EPHB3: variants seen among roughly 807,000 people sequenced by gnomAD.
EPHB3 encodes EPH receptor B3.
EPHB3 carries 33 observed loss-of-function variants against 100.2 expected under a neutral mutation model. The ratio of observed to expected loss-of-function variants is 0.33; its 90% CI spans 0.25 to 0.44. The LOEUF (loss-of-function observed/expected upper bound fraction) is 0.44. EPHB3 is among the 20% of genes least tolerant of loss of function. The pLI, the probability that EPHB3 is intolerant of heterozygous loss-of-function variation, is 1.00. For synonymous variants in EPHB3, 526 were observed against 554.7 expected (o/e 0.95, Z 0.73); for missense variants, 1,045 against 1,378.3 (o/e 0.76, Z 3.83).
rs758750221 is a variant in EPHB3 at position 184,579,714 on chromosome 3, G to A, written c.1952G>A (p.Arg651Gln). The A allele has an allele frequency of 1.4e-5, 23 of 1,611,970 alleles. No homozygotes were observed. The South Asian group carries it at 1.6e-4, about 12-fold the overall frequency. ...AGEFGEVCRG[R>Q]LKQPGRREVF... is the part of the protein sequence containing the mutation. ...GAATTTGGGGAAGTGTGCCGTGGTC[G>A]ACTGAAACAGCCTGGCCGCCGAGAG... Residue 651 changes from arginine (R) to glutamine (Q), a missense_variant, in exon 11 of 16, where the codon CGA (arginine) becomes CAA (glutamine). Physicochemically the swap from Arg to Gln is conservative, Grantham distance 43. Coordinates refer to ENST00000330394, the MANE Select transcript of EPHB3 (RefSeq NM_004443.4). This position sits in a 1 kb window ranked among gnomAD's most constrained non-coding sequence, Gnocchi z 5.2.
Position 184,571,436 on chromosome 3 carries a change from A to C in EPHB3, c.183+54A>C. The C allele has an allele frequency of 6.3e-7, 1 of 1,597,978 alleles. No individual in the cohort carries two copies. Among genetic ancestry groups the C allele is most frequent in the Non-Finnish European group, 8.6e-7 (1 of 1,166,984 alleles). ...GTTGTTTGCCATTAGGCCTCCCCCC[A>C]CTTCCAGCCTCCGTGCCCCCTCATC... is the stretch of plus-strand genomic sequence containing the variant. On this transcript the variant is annotated intron_variant, in intron 2 of 15. Coordinates refer to ENST00000330394, the MANE Select transcript of EPHB3 (RefSeq NM_004443.4). This position sits in a 1 kb window ranked among gnomAD's most constrained non-coding sequence, Gnocchi z 5.0.
Position 184,576,909 on chromosome 3 carries a change from T to C in EPHB3, c.1080T>C (p.Ser360=). The change falls in exon 5 of 16, where the codon AGT becomes AGC. Residue 360 remains serine, a synonymous_variant. Transcript: ENST00000330394. Reference sequence around the variant, plus strand: ...AAACCTCACTGATCCTCGAGTGGAGTGAGCCCCGGGACCTGGGTGGCCGGG... The same window carrying C: ...AAACCTCACTGATCCTCGAGTGGAGCGAGCCCCGGGACCTGGGTGGCCGGG... The part of the protein sequence containing the change: ...VNETSLILEW[S]EPRDLGGRDD... 1 of 1,589,520 alleles carries C rather than the reference T, an allele frequency of 6.3e-7. No homozygotes were observed. Among genetic ancestry groups the C allele is most frequent in the South Asian group, 1.1e-5 (1 of 87,606 alleles).
rs1224007284 is a variant in EPHB3 at position 184,569,752 on chromosome 3, C to T, written c.119-1566C>T. On this transcript the variant is annotated intron_variant, in intron 1 of 15. Coordinates refer to ENST00000330394, the MANE Select transcript of EPHB3 (RefSeq NM_004443.4). This position sits in a 1 kb window ranked among gnomAD's most constrained non-coding sequence, Gnocchi z 5.4. ...CACCCACGGGGTCCTCCGCCGTCCT[C>T]GGCTCAGACCCAGCCTCCGGGAAAC... is the stretch of plus-strand genomic sequence containing the variant. Among the ~76,000 whole-genome samples the T allele has an allele frequency of 6.6e-6, 1 of 152,288 alleles. No individual in the cohort carries two copies. Among genetic ancestry groups the T allele is most frequent in the Non-Finnish European group, 1.5e-5 (1 of 68,054 alleles).
At chr3:184,575,744 G>A (rs1322857653) in intron 3 of EPHB3, 86 bp from the exon 4 acceptor site, 2 of 1,476,756 alleles carry the variant, frequency 1.4e-6, no homozygotes, top group Non-Finnish European at 9.0e-7. Flanking sequence ...CTAGGCTGGG[G>A]AGAAGCCAGG....
At chr3:184,570,126 C>A (rs2108435862) in intron 1 of EPHB3, among the ~76,000 whole-genome samples, 1 of 152,288 alleles carries the variant, frequency 6.6e-6, no homozygotes, top group East Asian at 1.9e-4. Flanking sequence ...AGAACACAGG[C>A]CGGGTACTGT....
In EPHB3 at chr3:184,579,925, C is replaced by T. The variant is rs201597195; in HGVS notation, c.2163C>T (p.Ser721=). The T allele has an allele frequency of 6.2e-7, 1 of 1,613,254 alleles. No homozygotes were observed. The highest frequency in any genetic ancestry group is 2.2e-5 in the East Asian group (1 of 44,882). The part of the protein sequence containing the change: ...TEFMENCALD[S]FLRLNDGQFT... ...TCATGGAAAACTGCGCCCTGGACTC[C>T]TTCCTCCGGGTAAGAGCCAGCCCCC... is the stretch of plus-strand genomic sequence containing the variant. Residue 721 remains serine, a synonymous_variant, in exon 11 of 16, where the codon TCC becomes TCT. Transcript: ENST00000330394. The surrounding 1 kb of genome is among the most constrained non-coding windows in gnomAD (Gnocchi z 5.2).
In EPHB3 at chr3:184,576,823, C is replaced by G; in HGVS notation, c.1013-19C>G. The stretch of plus-strand genomic sequence containing the variant: ...TAGAGCCCCCAGCTCACTACCTTCT[C>G]CCTCCATATTCCTCACAGCCGTGCC... On this transcript the variant is annotated intron_variant, in intron 4 of 15. Coordinates refer to ENST00000330394, the MANE Select transcript of EPHB3 (RefSeq NM_004443.4). 2 of 1,523,858 alleles carry G rather than the reference C, an allele frequency of 1.3e-6. No individual in the cohort carries two copies. Among genetic ancestry groups the G allele is most frequent in the Non-Finnish European group, 1.8e-6 (2 of 1,133,754 alleles). The allele number at this position is 1,523,858 out of a possible 1,614,324, so 94.4% of individuals were successfully genotyped here.
chr3:184,578,704 C>T lies in EPHB3; in HGVS notation c.1801+238C>T, dbSNP rs1268859648. Among the ~76,000 whole-genome samples, 1 of 152,186 alleles carries T rather than the reference C, an allele frequency of 6.6e-6. No individual in the cohort carries two copies. The highest frequency in any genetic ancestry group is 1.5e-5 in the Non-Finnish European group (1 of 68,040). The stretch of plus-strand genomic sequence containing the variant: ...ACCTCTCCCCCTAAAGGCAGTTAGT[C>T]CTGTGGGAAAGACAAGATGCAAACA... On this transcript the variant is annotated intron_variant, in intron 9 of 15. Coordinates refer to ENST00000330394, the MANE Select transcript of EPHB3 (RefSeq NM_004443.4). The surrounding 1 kb of genome is among the most constrained non-coding windows in gnomAD (Gnocchi z 4.7).
In EPHB3 at chr3:184,571,305, G is replaced by T. The variant is rs376353534; in HGVS notation, c.119-13G>T. On this transcript the variant is annotated splice_polypyrimidine_tract_variant and intron_variant, in intron 1 of 15. Coordinates refer to ENST00000330394, the MANE Select transcript of EPHB3 (RefSeq NM_004443.4). This position sits in a 1 kb window ranked among gnomAD's most constrained non-coding sequence, Gnocchi z 5.0. ...AGATTAGTCCCTGACCTTTTTCTCCGTTGTTCCTCCAGAGACCCTCATGGA... is the reference window on the plus strand; with the variant it reads ...AGATTAGTCCCTGACCTTTTTCTCCTTTGTTCCTCCAGAGACCCTCATGGA... The T allele has an allele frequency of 1.1e-3, 1,801 of 1,613,646 alleles. 1 individual carries two copies. Among genetic ancestry groups the T allele is most frequent in the Non-Finnish European group, 1.4e-3 (1,696 of 1,179,796 alleles).
Position 184,573,250 on chromosome 3 carries a change from A to C in EPHB3, c.856+74A>C, listed in dbSNP as rs1714587560. ...ACAGCTACCTACCGCCCCGCCCCCCACCCCTGCTTGCTATCTGACTAGGAG... is the reference window on the plus strand; with the variant it reads ...ACAGCTACCTACCGCCCCGCCCCCCCCCCCTGCTTGCTATCTGACTAGGAG... On this transcript the variant is annotated intron_variant, in intron 3 of 15. Transcript: ENST00000330394. The surrounding 1 kb of genome is among the most constrained non-coding windows in gnomAD (Gnocchi z 4.5). 1 of 1,565,004 alleles carries C rather than the reference A, an allele frequency of 6.4e-7. No individual in the cohort carries two copies. The highest frequency in any genetic ancestry group is 1.4e-5 in the African/African-American group (1 of 73,090).
rs374958899 is a variant in EPHB3, at chr3:184,577,846, C to T, written c.1639+29C>T. ...AGTAGCCCCCTGCGCCTGTCCCCAT[C>T]GCGGCCCTCACTCTCTGTCCCTCCA... On this transcript the variant is annotated intron_variant, in intron 7 of 15. Coordinates refer to ENST00000330394, the MANE Select transcript of EPHB3 (RefSeq NM_004443.4). The surrounding 1 kb of genome is among the most constrained non-coding windows in gnomAD (Gnocchi z 4.9). The T allele has an allele frequency of 1.1e-4, 176 of 1,605,360 alleles. No individual in the cohort carries two copies. The highest frequency in any genetic ancestry group is 1.3e-4 in the Non-Finnish European group (148 of 1,174,130).
At chr3:184,575,314 G>C (rs1714644965) in intron 3 of EPHB3, 1 of 854,098 alleles carries the variant, frequency 1.2e-6, no homozygotes, top group South Asian at 5.3e-5. Context: ...CTGCCCAAGG[G>C]CAGACAGGAG....
intron 1 of EPHB3, among the ~76,000 whole-genome samples, chr3:184,564,004 C>G (rs1714321710): frequency 6.6e-6 from 1 of 152,190 alleles, no homozygotes; most frequent in African/African-American, 2.4e-5. Context: ...TCCCTCCCCC[C>G]TTCCCTTCCT....
Position 184,577,746 on chromosome 3 carries a change from T to A in EPHB3, c.1568T>A (p.Val523Asp). 1 of 1,612,052 alleles carries A rather than the reference T, an allele frequency of 6.2e-7. No homozygotes were observed. Among genetic ancestry groups the A allele is most frequent in the South Asian group, 1.1e-5 (1 of 90,978 alleles). The change falls in exon 7 of 16, where the codon GTC becomes GAC. Residue 523 changes from valine to aspartate, a missense_variant. Around this residue, in one of 2 missense-constraint regions of EPHB3, gnomAD observed 985 missense variants for 1,331.1 expected, o/e 0.74. Transcript: ENST00000330394. The surrounding 1 kb of genome is among the most constrained non-coding windows in gnomAD (Gnocchi z 4.9). ...LRPDARYVVQ[V>D]RARTVAGYGQ... ...CCTGACGCCCGCTATGTGGTCCAGG[T>A]CCGTGCCCGCACAGTAGCTGGCTAT...
At position 184,582,269 on chromosome 3, in the gene EPHB3, T is replaced by TGCGCGCGCGC. The variant is rs1468857438; in HGVS notation, c.*648_*649insCGCGCGCGCG. The TGCGCGCGCGC allele has an allele frequency of 6.7e-6, 1 of 149,592 alleles. No homozygotes were observed. Among genetic ancestry groups the TGCGCGCGCGC allele is most frequent in the East Asian group, 2.0e-4 (1 of 5,090 alleles). 9.3% of individuals were successfully genotyped at this position (149,592 alleles called of 1,614,324 possible). A position where few individuals can be genotyped will look rare whatever the true frequency, so the allele number is the denominator to read the frequency against. ...GGATGTGTGAGTGTGTGTGTGTGTG[T>TGCGCGCGCGC]GTGTGTGTGCGCGCGCGCGCGCGTG... On this transcript the variant is annotated 3_prime_UTR_variant, in exon 16 of 16. Coordinates refer to ENST00000330394, the MANE Select transcript of EPHB3 (RefSeq NM_004443.4).
chr3:184,575,347 G>A lies in EPHB3; in HGVS notation c.857-483G>A, dbSNP rs1714646399. 3 of 577,646 alleles carry A rather than the reference G, an allele frequency of 5.2e-6. No individual in the cohort carries two copies. The Admixed American group carries it at 1.9e-4, about 37-fold the overall frequency. The allele number at this position is 577,646 out of a possible 1,614,324, so 35.8% of individuals were successfully genotyped here. A position where few individuals can be genotyped will look rare whatever the true frequency, so the allele number is the denominator to read the frequency against. On this transcript the variant is annotated intron_variant, in intron 3 of 15. Coordinates refer to ENST00000330394, the MANE Select transcript of EPHB3 (RefSeq NM_004443.4). Reference sequence around the variant, plus strand: ...GAGCTGCTGCCTGCGCCTGGTGGGTGGGGCGAGAGCTTCACTGTGAAGGTC... The same window carrying A: ...GAGCTGCTGCCTGCGCCTGGTGGGTAGGGCGAGAGCTTCACTGTGAAGGTC...
intron 1 of EPHB3, among the ~76,000 whole-genome samples, chr3:184,567,392 G>T (rs540334558): frequency 9.8e-5 from 15 of 152,304 alleles, no homozygotes; most frequent in African/African-American, 3.6e-4. Flanking sequence ...CCAGAGTGTT[G>T]GGGGCAGGAT....
Position 184,571,485 on chromosome 3 carries a change from G to GAGGCAGCCCT in EPHB3, c.183+103_183+104insAGGCAGCCCT. The GAGGCAGCCCT allele has an allele frequency of 1.6e-6, 2 of 1,246,046 alleles. No homozygotes were observed. Among genetic ancestry groups the GAGGCAGCCCT allele is most frequent in the Non-Finnish European group, 2.3e-6 (2 of 861,472 alleles). 77.2% of individuals were successfully genotyped at this position (1,246,046 alleles called of 1,614,324 possible). On this transcript the variant is annotated intron_variant, in intron 2 of 15. Coordinates refer to ENST00000330394, the MANE Select transcript of EPHB3 (RefSeq NM_004443.4). This position sits in a 1 kb window ranked among gnomAD's most constrained non-coding sequence, Gnocchi z 5.0. Reference sequence around the variant, plus strand: ...TCTCACCAGGGCCTGGAGGAGGGCTGCCTCTGCCCTCTGCCTGTCACCCTC... The same window carrying GAGGCAGCCCT: ...TCTCACCAGGGCCTGGAGGAGGGCTGAGGCAGCCCTCCTCTGCCCTCTGCCTGTCACCCTC...
rs188221100 is a variant in EPHB3 at position 184,576,069 on chromosome 3, A to G, written c.1012+84A>G. 232 of 1,470,600 alleles carry G rather than the reference A, an allele frequency of 1.6e-4. No individual in the cohort carries two copies. The East Asian group carries it at 5.2e-3, about 33-fold the overall frequency. The allele number at this position is 1,470,600 out of a possible 1,614,324, so 91.1% of individuals were successfully genotyped here. A position where few individuals can be genotyped will look rare whatever the true frequency, so the allele number is the denominator to read the frequency against. ...TGGGAAGCCTAAGCAGTCACTATGA[A>G]TAGCCCCATTTTCCAGGGAAGGAGC... On this transcript the variant is annotated intron_variant, in intron 4 of 15. Coordinates refer to ENST00000330394, the MANE Select transcript of EPHB3 (RefSeq NM_004443.4).
Sources: gnomAD v4.1 joint callset for allele counts (sites outside exome capture counted in the v4.1 genomes callset) on GRCh38, gnomAD v4.1.1 for gene constraint, gnomAD v4.1.1 regional missense constraint, Gnocchi (gnomAD v3.1) non-coding constraint, MANE v1.5 for transcripts, NCBI Gene and HGNC (gene_info 2026-07-23, HGNC 2026-07-21) for gene names.